Variants in ZNF722 observed in about 807,000 individuals in gnomAD.
ZNF722 encodes the protein zinc finger protein 479 pseudogene.
chr7:64,004,338 G>C, the ZNF722 span, among the ~76,000 whole-genome samples: 1 of 147,830 alleles, frequency 6.8e-6, no homozygotes, highest in African/African-American at 2.5e-5. Context: ...GAACTCAGGA[G>C]GTGGAGGTTG....
the ZNF722 span, among the ~76,000 whole-genome samples, chr7:64,009,654 T>C: frequency 1.3e-3 from 204 of 152,348 alleles, 1 homozygote; most frequent in Admixed American, 5.7e-3. Context: ...CAGTATTTTA[T>C]TGAGGATTTT....
At chr7:64,016,187 G>T in the ZNF722 span, 3 of 296,218 alleles carry the variant, frequency 1.0e-5, no homozygotes, top group South Asian at 8.9e-5. Flanking sequence ...CACCCAGGCT[G>T]CAGTGCAGTG....
At chr7:64,011,410 T>A in the ZNF722 span, among the ~76,000 whole-genome samples, 1 of 152,336 alleles carries the variant, frequency 6.6e-6, no homozygotes, top group East Asian at 1.9e-4. Context: ...CCATGTTTAG[T>A]GCTTCCTTCA....
the ZNF722 span, among the ~76,000 whole-genome samples, chr7:64,017,217 C>T: frequency 2.6e-5 from 4 of 152,256 alleles, no homozygotes; most frequent in African/African-American, 7.2e-5. Flanking sequence ...AAGCCCATCT[C>T]TACTAAAAAT....
At chr7:64,004,428 A>ATATATATATG in the ZNF722 span, among the ~76,000 whole-genome samples, 1,507 of 64,156 alleles carry the variant, frequency 0.023, 34 homozygotes, top group Middle Eastern at 0.06. Flanking sequence ...AAAAAAAAAT[A>ATATATATATG]TATATATATA....
At chr7:64,010,796 C>A in the ZNF722 span, among the ~76,000 whole-genome samples, 1 of 152,106 alleles carries the variant, frequency 6.6e-6, no homozygotes, top group Non-Finnish European at 1.5e-5. Context: ...TCCTGGATAT[C>A]CTTGTTAACC....
chr7:64,009,229 C>T, the ZNF722 span, among the ~76,000 whole-genome samples: 646 of 152,132 alleles, frequency 4.2e-3, 4 homozygotes, highest in African/African-American at 0.015. Context: ...AATTGAATAC[C>T]CTTTATTTAT....
the ZNF722 span, among the ~76,000 whole-genome samples, chr7:64,012,124 G>C: frequency 6.6e-6 from 1 of 151,992 alleles, no homozygotes; most frequent in Non-Finnish European, 1.5e-5. Context: ...AGCTCCATCC[G>C]GTTATTTAAG....
At chr7:64,004,286 G>A in the ZNF722 span, among the ~76,000 whole-genome samples, 3 of 149,876 alleles carry the variant, frequency 2.0e-5, no homozygotes, top group South Asian at 6.3e-4. Flanking sequence ...GCACACACGT[G>A]TAATCCCAGC....
the ZNF722 span, among the ~76,000 whole-genome samples, chr7:64,004,817 A>T: frequency 6.6e-6 from 1 of 152,146 alleles, no homozygotes; most frequent in African/African-American, 2.4e-5. Flanking sequence ...CACTTACTGG[A>T]TGTTTGACAA....
chr7:63,998,903 T>A, the ZNF722 span: 1 of 1,485,096 alleles, frequency 6.7e-7, no homozygotes, highest in Non-Finnish European at 9.2e-7. Flanking sequence ...GGCTCTGCAT[T>A]CTCTGCTCCT....
the ZNF722 span, among the ~76,000 whole-genome samples, chr7:64,000,132 T>TTTGTG: frequency 1.8e-4 from 25 of 139,818 alleles, no homozygotes; most frequent in South Asian, 4.5e-4. Flanking sequence ...TTTTTTTTTT[T>TTTGTG]TGTGTGTGTG....
chr7:63,999,293 A>T, the ZNF722 span, among the ~76,000 whole-genome samples: 1 of 152,140 alleles, frequency 6.6e-6, no homozygotes, highest in African/African-American at 2.4e-5. Flanking sequence ...TTGTACAGGG[A>T]TGGGAAAGTC....
At chr7:64,007,382 C>G in the ZNF722 span, among the ~76,000 whole-genome samples, 1 of 151,968 alleles carries the variant, frequency 6.6e-6, no homozygotes, top group African/African-American at 2.4e-5. Context: ...CTAATGCTAT[C>G]CCTCCCCCAT....
At chr7:64,010,754 T>G in the ZNF722 span, among the ~76,000 whole-genome samples, 1 of 152,214 alleles carries the variant, frequency 6.6e-6, no homozygotes, top group Non-Finnish European at 1.5e-5. Context: ...TAGATGTCTA[T>G]TAGGTCTGCT....
the ZNF722 span, chr7:64,015,526 C>T: frequency 6.2e-7 from 1 of 1,613,376 alleles, no homozygotes; most frequent in Non-Finnish European, 8.5e-7. Flanking sequence ...AGGTGGCCCT[C>T]AAACCTTACT....
At chr7:64,008,105 G>A in the ZNF722 span, among the ~76,000 whole-genome samples, 1 of 152,076 alleles carries the variant, frequency 6.6e-6, no homozygotes, top group Non-Finnish European at 1.5e-5. Context: ...ATTTTTTCTT[G>A]CAAATTTGTT....
the ZNF722 span, among the ~76,000 whole-genome samples, chr7:64,002,844 C>T: frequency 2.8e-3 from 427 of 152,318 alleles, 1 homozygote; most frequent in African/African-American, 0.01. Flanking sequence ...AAAAATATTT[C>T]AGCATGATGA....
chr7:64,010,437 G>A, the ZNF722 span, among the ~76,000 whole-genome samples: 1 of 152,128 alleles, frequency 6.6e-6, no homozygotes, highest in East Asian at 1.9e-4. Flanking sequence ...ATTCTGGTAT[G>A]TTGTGTCTTT....
Sources: allele counts gnomAD v4.1 joint callset (sites outside exome capture counted in the v4.1 genomes callset), GRCh38; gene constraint gnomAD v4.1.1; transcripts MANE v1.5; gene names NCBI Gene and HGNC (gene_info 2026-07-23, HGNC 2026-07-21).